The following RYR1 variants were observed in gnomAD, a reference collection of about 807,000 sequenced individuals.
The protein encoded by RYR1 is ryanodine receptor 1.
RYR1 carries 342 observed loss-of-function variants against 583.5 expected under a neutral mutation model. That is an observed-to-expected ratio of 0.59 (90% CI 0.54 to 0.64). RYR1 has a LOEUF of 0.64. Ranked by LOEUF, RYR1 falls within the 30% of genes least tolerant of loss-of-function variation. The probability of loss-of-function intolerance (pLI) is 0.00; values close to 1 mark genes in which losing one functional copy is unlikely to be tolerated. For synonymous variants in RYR1, 2,791 were observed against 2,822.5 expected, an observed-to-expected ratio of 0.99 and a Z score of 0.35; for missense variants, 6,032 against 6,917.2, an observed-to-expected ratio of 0.87 and a Z score of 4.54.
In RYR1 at chr19:38,502,885, T is replaced by G; in HGVS notation, c.7841T>G (p.Ile2614Ser). 1.2e-6 allele frequency: 2 copies of G among 1,610,842 alleles called. No homozygotes were observed. The highest frequency in any genetic ancestry group is 1.7e-6 in the Non-Finnish European group (2 of 1,179,934). The stretch of plus-strand genomic sequence containing the variant: ...TCTTGTGCATTGTCCCGCAGGTACA[T>G]CCGCCCGTCGATGCTGCAGCACCTG... ...EDCLMSLCRYIRPSMLQHLLR... is the reference protein window; with the variant it reads ...EDCLMSLCRYSRPSMLQHLLR... Residue 2614 changes from isoleucine (I) to serine (S), a missense_variant, in exon 49 of 106, where the codon ATC becomes AGC. Transcript: ENST00000359596.
Position 38,485,579 on chromosome 19 carries a change from C to A in RYR1, c.4935-11C>A, listed in dbSNP as rs374482643. On this transcript the variant is annotated splice_polypyrimidine_tract_variant and intron_variant, in intron 33 of 105. Coordinates refer to ENST00000359596, the MANE Select transcript of RYR1 (RefSeq NM_000540.3). ...TCATCTGTCCCTGTCTGTTTCCCACCTCTGCTGCAGGTGCATGGACATCCT... is the reference window on the plus strand; with the variant it reads ...TCATCTGTCCCTGTCTGTTTCCCACATCTGCTGCAGGTGCATGGACATCCT... 35 of 1,607,680 alleles carry A rather than the reference C, an allele frequency of 2.2e-5. No homozygotes were observed. In the African/African-American group the frequency reaches 3.1e-4, roughly 14 times the overall value.
At position 38,469,120 on chromosome 19, in the gene RYR1, G is replaced by C; in HGVS notation, c.3536G>C (p.Arg1179Pro). ...MSDSGSETAF[R>P]EIEIGDGFLP... ...GACTCAGGCTCCGAAACAGCCTTCC[G>C]GGAGATTGAGATTGGGGACGGTGAG... The change falls in exon 26 of 106, where the codon CGG (arginine) becomes CCG (proline). Residue 1179 changes from arginine (R) to proline (P), a missense_variant. Coordinates refer to ENST00000359596, the MANE Select transcript of RYR1 (RefSeq NM_000540.3). 1 of 1,614,150 alleles carries C rather than the reference G, an allele frequency of 6.2e-7. No homozygotes were observed. Among genetic ancestry groups the C allele is most frequent in the Non-Finnish European group, 8.5e-7 (1 of 1,180,036 alleles).
intron 97 of RYR1, among the ~76,000 whole-genome samples, chr19:38,576,930 G>T (rs1973981055): frequency 6.6e-6 from 1 of 152,120 alleles, no homozygotes; most frequent in Non-Finnish European, 1.5e-5. Context: ...CTGTTACCCA[G>T]TCTGGAGTGC....
chr19:38,578,428 C>T (rs908806577), intron 99 of RYR1, among the ~76,000 whole-genome samples: 1 of 152,138 alleles, frequency 6.6e-6, no homozygotes, highest in African/African-American at 2.4e-5. Context: ...TGTGGTGGCT[C>T]ACGCCTGTAC....
chr19:38,567,093 C>G (rs967308030), intron 92 of RYR1, 106 bp downstream of exon 92: 22 of 1,526,594 alleles, frequency 1.4e-5, no homozygotes, highest in Middle Eastern at 2.3e-4. Context: ...ACCCTGTGTC[C>G]TCGGCATCAC....
chr19:38,568,581 CAAAAAAA>C (rs59369147), intron 93 of RYR1, among the ~76,000 whole-genome samples: 15 of 64,900 alleles, frequency 2.3e-4, no homozygotes, highest in Non-Finnish European at 3.5e-4. Flanking sequence ...ACTAAAAATA[CAAAAAAA>C]AAAAAAAAAA....
At chr19:38,475,543 C>A in intron 29 of RYR1, 93 bp downstream of exon 29, 1 of 1,497,384 alleles carries the variant, frequency 6.7e-7, no homozygotes, top group South Asian at 1.1e-5. Context: ...CCAGTAGCTG[C>A]CCACCTTACA....
At chr19:38,466,832 C>G (rs764282978) in intron 24 of RYR1, among the ~76,000 whole-genome samples, 1 of 152,096 alleles carries the variant, frequency 6.6e-6, no homozygotes, top group African/African-American at 2.4e-5. Context: ...ATCGAGCAGA[C>G]TGACCAGGAG....
Position 38,466,437 on chromosome 19 carries a change from C to T in RYR1, c.3178+39C>T, listed in dbSNP as rs769598889. The T allele has an allele frequency of 3.9e-6, 6 of 1,527,426 alleles. No homozygotes were observed. The African/African-American group carries it at 6.9e-5, about 17-fold the overall frequency. The allele number at this position is 1,527,426 out of a possible 1,614,324, so 94.6% of individuals were successfully genotyped here. ...CCTGGCCCTGGCCCTGACTCCTACC[C>T]CAACTCTGACCCCAGCCCCGATCCC... On this transcript the variant is annotated intron_variant, in intron 24 of 105. Transcript: ENST00000359596.
chr19:38,553,139 C>G (rs1972736509), intron 89 of RYR1, among the ~76,000 whole-genome samples: 1 of 151,938 alleles, frequency 6.6e-6, no homozygotes, highest in Non-Finnish European at 1.5e-5. Flanking sequence ...TCAAGACCAG[C>G]CTGGGCAACA....
Position 38,561,122 on chromosome 19 carries a change from A to C in RYR1, c.12292A>C (p.Ser4098Arg). The C allele has an allele frequency of 6.2e-7, 1 of 1,613,900 alleles. No homozygotes were observed. Among genetic ancestry groups the C allele is most frequent in the South Asian group, 1.1e-5 (1 of 91,074 alleles). The change falls in exon 90 of 106, where the codon AGC becomes CGC. Residue 4098 changes from serine to arginine, a missense_variant. Around this residue, in one of 11 missense-constraint regions of RYR1, gnomAD observed 753 missense variants for 759.6 expected, o/e 0.99. Coordinates refer to ENST00000359596, the MANE Select transcript of RYR1 (RefSeq NM_000540.3). This position sits in a 1 kb window ranked among gnomAD's most constrained non-coding sequence, Gnocchi z 4.8. ...SKKDFQKAMDSQKQFSGPEIQ... is the reference protein window; with the variant it reads ...SKKDFQKAMDRQKQFSGPEIQ... Reference sequence around the variant, plus strand: ...CCCTGCCCGCCCCCAGGCCATGGACAGCCAGAAGCAGTTCAGCGGTCCAGA... The same window carrying C: ...CCCTGCCCGCCCCCAGGCCATGGACCGCCAGAAGCAGTTCAGCGGTCCAGA...
intron 64 of RYR1, 76 bp from the exon 65 acceptor site, chr19:38,516,011 T>G (rs1194245876): frequency 6.6e-7 from 1 of 1,506,842 alleles, no homozygotes; most frequent in Non-Finnish European, 8.9e-7. Context: ...AGGAGCCGTT[T>G]CTATGGAGAT....
In RYR1 at chr19:38,502,566, G is replaced by T; in HGVS notation, c.7674G>T (p.Val2558=). 6.2e-7 allele frequency: 1 copy of T among 1,612,004 alleles called. No homozygotes were observed. ...TGAACCGCTACCTGTGCCTGGCCGT[G>T]CTGCCGCTCATCACCAAGTGTGCGC... ...LALNRYLCLA[V]LPLITKCAPL... is the part of the protein sequence containing the mutation. Residue 2558 remains valine (V), a synonymous_variant, in exon 48 of 106, where the codon GTG becomes GTT. Transcript: ENST00000359596.
chr19:38,468,319 T>TCCAA (rs1379690254), intron 25 of RYR1, among the ~76,000 whole-genome samples: 1 of 150,872 alleles, frequency 6.6e-6, no homozygotes, highest in Non-Finnish European at 1.5e-5. Context: ...CCCTCATCCA[T>TCCAA]CCAACCAACC....
chr19:38,481,885 C>A (rs772923809), intron 31 of RYR1, among the ~76,000 whole-genome samples: 1 of 152,012 alleles, frequency 6.6e-6, no homozygotes, highest in Non-Finnish European at 1.5e-5. Context: ...GTCAGGAGTT[C>A]GAGACCAGCC....
At chr19:38,487,439 C>T (rs906277383) in intron 34 of RYR1, among the ~76,000 whole-genome samples, 6 of 152,014 alleles carry the variant, frequency 3.9e-5, no homozygotes, top group African/African-American at 4.8e-5. Context: ...CTGCAACCTC[C>T]GCTTCCCATG....
chr19:38,462,891 C>CT (rs553168266), intron 20 of RYR1, among the ~76,000 whole-genome samples: 18,314 of 78,212 alleles, frequency 0.23, 2,720 homozygotes, highest in East Asian at 0.41. Context: ...ACTCTCTCTT[C>CT]TTTTTTTTTT....
At position 38,463,823 on chromosome 19, in the gene RYR1, A is replaced by C. The variant is rs1470081730; in HGVS notation, c.2759A>C (p.Asn920Thr). The C allele has an allele frequency of 1.4e-5, 22 of 1,613,552 alleles. No homozygotes were observed. The highest frequency in any genetic ancestry group is 1.8e-5 in the Non-Finnish European group (21 of 1,179,870). ...HSLPEPERNYNLQMSGETLKT... is the reference protein window; with the variant it reads ...HSLPEPERNYTLQMSGETLKT... The stretch of plus-strand genomic sequence containing the variant: ...CTTCCAGAGCCTGAGAGGAACTACA[A>C]CCTGCAGATGTCTGGGGAGACGCTC... The change falls in exon 22 of 106, where the codon AAC (asparagine) becomes ACC (threonine). Residue 920 changes from asparagine to threonine, a missense_variant. Coordinates refer to ENST00000359596, the MANE Select transcript of RYR1 (RefSeq NM_000540.3).
chr19:38,451,963 C>T (rs1049217496), intron 12 of RYR1, 78 bp downstream of exon 12: 1 of 1,590,324 alleles, frequency 6.3e-7, no homozygotes, highest in Non-Finnish European at 8.6e-7. Context: ...TGGCCTCTTT[C>T]ATCTCTACCT....
Sources: allele counts gnomAD v4.1 joint callset (sites outside exome capture counted in the v4.1 genomes callset), GRCh38; gene constraint gnomAD v4.1.1; regional missense constraint gnomAD v4.1.1; non-coding constraint Gnocchi (gnomAD v3.1); transcripts MANE v1.5; gene names NCBI Gene and HGNC (gene_info 2026-07-23, HGNC 2026-07-21).